CRYZL1: variants seen among roughly 807,000 people sequenced by gnomAD.
The protein encoded by CRYZL1 is crystallin zeta like 1.
In CRYZL1, 34 loss-of-function variants were observed where a neutral mutation model predicts 50.6. The observed-to-expected ratio is 0.67, with a 90% confidence interval of 0.51 to 0.89. CRYZL1 has a LOEUF of 0.89. CRYZL1 is among the 40% of genes least tolerant of loss of function. CRYZL1 has a pLI of 0.00. For synonymous variants in CRYZL1, 125 were observed against 134.3 expected (o/e 0.93, Z 0.48); for missense variants, 354 against 402.3 (o/e 0.88, Z 1.03).
At chr21:33,619,578 T>C (rs1404060628) in intron 4 of CRYZL1, among the ~76,000 whole-genome samples, 1 of 152,176 alleles carries the variant, frequency 6.6e-6, no homozygotes, top group Non-Finnish European at 1.5e-5. Flanking sequence ...CTTTTTTTTC[T>C]TTTGAGACAG....
chr21:33,624,600 G>A, intron 3 of CRYZL1, 83 bp downstream of exon 3: 1 of 1,544,932 alleles, frequency 6.5e-7, no homozygotes, highest in Non-Finnish European at 8.7e-7. Context: ...TTCACATTGA[G>A]AGGTCAGTTA....
At chr21:33,637,219 G>A (rs1317020137) in intron 1 of CRYZL1, among the ~76,000 whole-genome samples, 1 of 152,112 alleles carries the variant, frequency 6.6e-6, no homozygotes, top group Non-Finnish European at 1.5e-5. Context: ...GCCGAGGCGG[G>A]CGGATCACGA....
Position 33,589,828 on chromosome 21 carries a change from T to C in CRYZL1, c.1044A>G (p.Gln348=), listed in dbSNP as rs181673515. 35 of 1,601,318 alleles carry C rather than the reference T, an allele frequency of 2.2e-5. No individual in the cohort carries two copies. The Middle Eastern group carries it at 5.0e-4, about 23-fold the overall frequency. The stretch of plus-strand genomic sequence containing the variant: ...GGTCTGAGAAAGAAGAAAATTAAAA[T>C]TGAACAACTTGCTTTTTTCTTCCTT... ...KNQGRKKQVV[Q]F The change falls in exon 13 of 13, where the codon CAA becomes CAG. Residue 348 remains glutamine (Q), a synonymous_variant. Coordinates refer to ENST00000381554, the MANE Select transcript of CRYZL1 (RefSeq NM_145858.3).
In CRYZL1 at chr21:33,603,399, C is replaced by T; in HGVS notation, c.465+5G>A. 1 of 1,613,708 alleles carries T rather than the reference C, an allele frequency of 6.2e-7. No individual in the cohort carries two copies. The highest frequency in any genetic ancestry group is 8.5e-7 in the Non-Finnish European group (1 of 1,179,900). On this transcript the variant is annotated splice_donor_5th_base_variant and intron_variant, in intron 7 of 12. Coordinates refer to ENST00000381554, the MANE Select transcript of CRYZL1 (RefSeq NM_145858.3). Reference sequence around the variant, plus strand: ...CTGTTTCTTAACAAAACCATTAGCACCTACACTTGCTCCATCCATTATCAG... The same window carrying T: ...CTGTTTCTTAACAAAACCATTAGCATCTACACTTGCTCCATCCATTATCAG...
intron 2 of CRYZL1, among the ~76,000 whole-genome samples, chr21:33,629,210 G>A (rs568083291): frequency 9.9e-5 from 15 of 152,232 alleles, no homozygotes; most frequent in South Asian, 2.1e-4. Flanking sequence ...GGGTGATGGC[G>A]CAAGACCCTG....
chr21:33,596,062 C>T, intron 10 of CRYZL1: 1 of 599,318 alleles, frequency 1.7e-6, no homozygotes, highest in South Asian at 1.9e-5. Context: ...AATCTAGAAT[C>T]CTGGTGGTGA....
At chr21:33,616,434 A>C in intron 5 of CRYZL1, 1 of 322,638 alleles carries the variant, frequency 3.1e-6, no homozygotes, top group Non-Finnish European at 6.0e-6. Context: ...CTGGGATTAC[A>C]GGCATGTGCC....
chr21:33,598,966 G>A (rs555018272), intron 9 of CRYZL1, among the ~76,000 whole-genome samples, 184 bp downstream of exon 9: 6 of 152,082 alleles, frequency 3.9e-5, no homozygotes, highest in South Asian at 2.1e-4. Flanking sequence ...TACATACAGC[G>A]CTTACAATGA....
chr21:33,596,766 C>G (rs1404494308), intron 10 of CRYZL1, among the ~76,000 whole-genome samples: 1 of 151,526 alleles, frequency 6.6e-6, no homozygotes, highest in Non-Finnish European at 1.5e-5. Flanking sequence ...AACATTTTGG[C>G]CAACATGTTG....
intron 6 of CRYZL1, among the ~76,000 whole-genome samples, chr21:33,605,631 C>T (rs1402272778): frequency 6.6e-6 from 1 of 150,532 alleles, no homozygotes; most frequent in African/African-American, 2.4e-5. Context: ...AAGCAATTCT[C>T]CTGCCTCAGC....
intron 4 of CRYZL1, among the ~76,000 whole-genome samples, chr21:33,621,057 C>A (rs2086993386): frequency 6.7e-6 from 1 of 148,334 alleles, no homozygotes; most frequent in African/African-American, 2.5e-5. Context: ...AGGCGCCCGC[C>A]ACCTCGCCCG....
At chr21:33,615,363 A>G (rs1474555346) in intron 5 of CRYZL1, among the ~76,000 whole-genome samples, 1 of 151,962 alleles carries the variant, frequency 6.6e-6, no homozygotes, top group Non-Finnish European at 1.5e-5. Flanking sequence ...AATGTTGCCC[A>G]GGCTGGTCTT....
rs543686614 is a variant in CRYZL1, at chr21:33,612,836, C to CA, written c.331+701_331+702insT. Among the ~76,000 whole-genome samples, 533 of 151,194 alleles carry CA rather than the reference C, an allele frequency of 3.5e-3. 4 individuals are homozygous for CA. Among genetic ancestry groups the CA allele is most frequent in the African/African-American group, 0.012 (504 of 41,216 alleles). ...ATATTAGAAACCAAAGATAAGTGCT[C>CA]TTTTTTTTTCTTTTTTGAGACAGAG... On this transcript the variant is annotated intron_variant, in intron 6 of 12. Transcript: ENST00000381554.
In CRYZL1 at chr21:33,622,005, C is replaced by G. The variant is rs1281325425; in HGVS notation, c.208G>C (p.Val70Leu). ...ACATCTGTATACTTACCATCTAATA[C>G]AATTCCAGCAATTTCTCTCCCAACA... ...FPVGREIAGI[V>L]LDVGSKVSFF... The change falls in exon 4 of 13, where the codon GTA becomes CTA. Residue 70 changes from valine (V) to leucine (L), a missense_variant. Coordinates refer to ENST00000381554, the MANE Select transcript of CRYZL1 (RefSeq NM_145858.3). 6.2e-7 allele frequency: 1 copy of G among 1,607,328 alleles called. No individual in the cohort carries two copies. The highest frequency in any genetic ancestry group is 1.7e-5 in the Admixed American group (1 of 59,962).
chr21:33,619,723 C>T (rs941802498), intron 4 of CRYZL1, among the ~76,000 whole-genome samples: 2 of 152,158 alleles, frequency 1.3e-5, no homozygotes, highest in Non-Finnish European at 2.9e-5. Context: ...TGTTTCTCTG[C>T]TACCAAGTAC....
intron 6 of CRYZL1, among the ~76,000 whole-genome samples, chr21:33,604,216 G>A (rs1028454871): frequency 5.3e-5 from 8 of 152,206 alleles, no homozygotes; most frequent in Non-Finnish European, 1.0e-4. Flanking sequence ...TTAGCCAGGC[G>A]TGGTGGCGGG....
At chr21:33,596,827 G>GA (rs1331041607) in intron 10 of CRYZL1, among the ~76,000 whole-genome samples, 14 of 145,688 alleles carry the variant, frequency 9.6e-5, no homozygotes, top group Non-Finnish European at 1.8e-4. Context: ...ATATGGAATG[G>GA]AAAAAAAAAG....
intron 10 of CRYZL1, 43 bp downstream of exon 10, chr21:33,597,237 C>A (rs780349758): frequency 5.6e-5 from 89 of 1,591,954 alleles, no homozygotes; most frequent in South Asian, 3.0e-4. Flanking sequence ...GTTAATTACA[C>A]CCCTTTGGTG....
At position 33,591,082 on chromosome 21, in the gene CRYZL1, A is replaced by G. The variant is rs1293045067; in HGVS notation, c.950+80T>C. 8 of 1,019,914 alleles carry G rather than the reference A, an allele frequency of 7.8e-6. No individual in the cohort carries two copies. The African/African-American group carries it at 7.9e-5, about 10-fold the overall frequency. The allele number at this position is 1,019,914 out of a possible 1,614,324, so 63.2% of individuals were successfully genotyped here. Reference sequence around the variant, plus strand: ...GCAACAGGTACATGGCGAGAGCTAAAACAAAAGTGGGACTGCCTGCCTTAG... The same window carrying G: ...GCAACAGGTACATGGCGAGAGCTAAGACAAAAGTGGGACTGCCTGCCTTAG... On this transcript the variant is annotated intron_variant, in intron 12 of 12. Transcript: ENST00000381554.
Sources: gnomAD v4.1 joint callset for allele counts (sites outside exome capture counted in the v4.1 genomes callset) on GRCh38, gnomAD v4.1.1 for gene constraint, MANE v1.5 for transcripts, NCBI Gene and HGNC (gene_info 2026-07-23, HGNC 2026-07-21) for gene names.